The following CERK variants were observed in gnomAD, a reference collection of about 807,000 sequenced individuals.
CERK encodes ceramide kinase, also known as acylsphingosine kinase.
Under a neutral mutation model 63.4 loss-of-function variants are expected in CERK, and 39 were observed. That is an observed-to-expected ratio of 0.61 (90% CI 0.48 to 0.80). The LOEUF is 0.80. Among genes scored for constraint, CERK ranks in the 30% least tolerant of loss-of-function variants. The pLI is 0.00. For missense variants in CERK, 670 were observed against 714.1 expected (o/e 0.94, Z 0.70); for synonymous variants, 302 against 280.0 (o/e 1.08, Z -0.78).
chr22:46,709,381 G>A (rs2082829323), intron 5 of CERK, among the ~76,000 whole-genome samples: 2 of 152,216 alleles, frequency 1.3e-5, no homozygotes, highest in South Asian at 4.1e-4. Context: ...CTGCTGTCGG[G>A]TGGAGGTGGT....
intron 1 of CERK, among the ~76,000 whole-genome samples, chr22:46,728,507 G>A (rs570696515): frequency 4.6e-5 from 7 of 152,288 alleles, no homozygotes; most frequent in Non-Finnish European, 5.9e-5. Context: ...AACAAGGGGC[G>A]TCTCAGAGGG....
Position 46,699,476 on chromosome 22 carries a change from G to T in CERK, c.791-11C>A, listed in dbSNP as rs201223701. 1 of 1,613,680 alleles carries T rather than the reference G, an allele frequency of 6.2e-7. No individual in the cohort carries two copies. The highest frequency in any genetic ancestry group is 2.2e-5 in the East Asian group (1 of 44,878). On this transcript the variant is annotated splice_polypyrimidine_tract_variant and intron_variant, in intron 7 of 12. Transcript: ENST00000216264. ...TGGCCAGCGAGTCCCCTGTGGGAGA[G>T]AACGGCCGTGAGGGAAGGCAGCCCC...
intron 1 of CERK, among the ~76,000 whole-genome samples, chr22:46,730,540 T>G (rs911811280): frequency 6.6e-6 from 1 of 152,184 alleles, no homozygotes; most frequent in Non-Finnish European, 1.5e-5. Context: ...AGCAGCAGAA[T>G]GAATTAGATA....
In CERK at chr22:46,707,865, G is replaced by A. The variant is rs143322025; in HGVS notation, c.693C>T (p.Leu231=). The change falls in exon 6 of 13, where the codon CTC becomes CTT. Residue 231 remains leucine, a synonymous_variant. Coordinates refer to ENST00000216264, the MANE Select transcript of CERK (RefSeq NM_022766.6). ...TACCTGCGGGAATGATTCCAATCCG[G>A]AGGCTACTGGGGACCAGCACAGCCC... ...HPRAVLVPSS[L]RIGIIPAGST... is the part of the protein sequence containing the mutation. 3.6e-5 allele frequency: 58 copies of A among 1,612,096 alleles called. No homozygotes were observed. The highest frequency in any genetic ancestry group is 4.8e-5 in the Non-Finnish European group (56 of 1,178,902).
intron 2 of CERK, 45 bp downstream of exon 2, chr22:46,720,857 A>T (rs773237003): frequency 8.4e-7 from 1 of 1,194,552 alleles, no homozygotes; most frequent in South Asian, 1.2e-5. Flanking sequence ...TGTAATCTAC[A>T]TAGAATTAAT....
chr22:46,691,827 A>AGCGCCCTGCGCCGGGCT, intron 10 of CERK, 50 bp from the exon 11 acceptor site: 1 of 1,515,504 alleles, frequency 6.6e-7, no homozygotes, highest in African/African-American at 1.4e-5. Context: ...GGCGCCGGGC[A>AGCGCCCTGCGCCGGGCT]GCGCCCTGCA....
At chr22:46,715,786 T>C (rs983063366) in intron 3 of CERK, among the ~76,000 whole-genome samples, 9 of 152,226 alleles carry the variant, frequency 5.9e-5, no homozygotes, top group South Asian at 2.1e-4. Context: ...TAGATCCAAA[T>C]GTGAAGCGGA....
Position 46,691,619 on chromosome 22 carries a change from A to G in CERK, c.1285T>C (p.Phe429Leu). 1 of 1,613,928 alleles carries G rather than the reference A, an allele frequency of 6.2e-7. No homozygotes were observed. The change falls in exon 11 of 13, where the codon TTC (phenylalanine) becomes CTC (leucine). Residue 429 changes from phenylalanine (F) to leucine (L), a missense_variant. Phe to Leu is a conservative substitution (Grantham distance 22). Coordinates refer to ENST00000216264, the MANE Select transcript of CERK (RefSeq NM_022766.6). ...CTGATGAGAAATCTCAGAAAATTGAACCTGGAGCATTTCCGGATGAGGATG... is the reference window on the plus strand; with the variant it reads ...CTGATGAGAAATCTCAGAAAATTGAGCCTGGAGCATTTCCGGATGAGGATG... ...DLILIRKCSR[F>L]NFLRFLIRHT...
intron 1 of CERK, among the ~76,000 whole-genome samples, chr22:46,726,393 T>A (rs956210162): frequency 1.3e-5 from 2 of 152,014 alleles, no homozygotes; most frequent in African/African-American, 4.8e-5. Context: ...AAGTACAGTG[T>A]GGAAGTCTGT....
At chr22:46,698,955 T>A (rs1346570091) in intron 8 of CERK, among the ~76,000 whole-genome samples, 1 of 152,162 alleles carries the variant, frequency 6.6e-6, no homozygotes, top group Non-Finnish European at 1.5e-5. Context: ...AATTAATACT[T>A]CCACTTGAAC....
At position 46,701,647 on chromosome 22, in the gene CERK, T is replaced by C. The variant is rs114925414; in HGVS notation, c.779A>G (p.His260Arg). 139 of 1,558,068 alleles carry C rather than the reference T, an allele frequency of 8.9e-5. No individual in the cohort carries two copies. The African/African-American group carries it at 1.6e-3, about 18-fold the overall frequency. The change falls in exon 7 of 13, where the codon CAT becomes CGT. Residue 260 changes from histidine (H) to arginine (R), a missense_variant. By Grantham distance (29) the His-to-Arg change is conservative. Transcript: ENST00000216264. ...GAGGAGGGGCTCACCAACAACGATATGCAGCGCCGAGGTTTCTGCGTCGCT... is the reference window on the plus strand; with the variant it reads ...GAGGAGGGGCTCACCAACAACGATACGCAGCGCCGAGGTTTCTGCGTCGCT... Reference protein sequence around the residue: ...GTSDAETSALHIVVGDSLAMD... With the variant: ...GTSDAETSALRIVVGDSLAMD...
At chr22:46,701,451 C>T (rs557508879) in intron 7 of CERK, among the ~76,000 whole-genome samples, 185 bp downstream of exon 7, 3 of 152,260 alleles carry the variant, frequency 2.0e-5, no homozygotes, top group Non-Finnish European at 2.9e-5. Flanking sequence ...GTCCTGACAA[C>T]GTGGCCTCGG....
intron 3 of CERK, among the ~76,000 whole-genome samples, chr22:46,715,198 G>C (rs1260870891): frequency 6.6e-6 from 1 of 152,094 alleles, no homozygotes; most frequent in African/African-American, 2.4e-5. Context: ...CTGAGATCAG[G>C]ACTGAGACAA....
intron 1 of CERK, among the ~76,000 whole-genome samples, chr22:46,730,104 C>G (rs1302547261): frequency 2.0e-5 from 3 of 152,028 alleles, no homozygotes; most frequent in African/African-American, 7.2e-5. Context: ...CACTGAGACA[C>G]AGTTGAACAT....
rs1471760160 is a variant in CERK, at chr22:46,714,188, T to A, written c.380-1895A>T. On this transcript the variant is annotated intron_variant, in intron 3 of 12. Transcript: ENST00000216264. This position sits in a 1 kb window ranked among gnomAD's most constrained non-coding sequence, Gnocchi z 4.4. The stretch of plus-strand genomic sequence containing the variant: ...CAGGAGGCTGAGGCAGGAGAATCAC[T>A]TGAACCCAGGAAGTGGAGGTTGCAG... Among the ~76,000 whole-genome samples the A allele has an allele frequency of 6.6e-6, 1 of 152,196 alleles. No homozygotes were observed. Among genetic ancestry groups the A allele is most frequent in the Non-Finnish European group, 1.5e-5 (1 of 68,032 alleles).
chr22:46,719,903 G>A (rs572212527), intron 3 of CERK, among the ~76,000 whole-genome samples, 183 bp downstream of exon 3: 1 of 152,234 alleles, frequency 6.6e-6, no homozygotes, highest in Non-Finnish European at 1.5e-5. Flanking sequence ...AGGCTGTGGA[G>A]CCCATGCCCT....
chr22:46,729,971 G>A (rs5769120), intron 1 of CERK, among the ~76,000 whole-genome samples: 71,610 of 151,622 alleles, frequency 0.47, 19,251 homozygotes, highest in Non-Finnish European at 0.6. Flanking sequence ...CCTGGGAGGC[G>A]GAGCTTGCAG....
chr22:46,694,469 G>A (rs959337608), intron 9 of CERK, among the ~76,000 whole-genome samples: 1 of 152,156 alleles, frequency 6.6e-6, no homozygotes, highest in Non-Finnish European at 1.5e-5. Context: ...GGGACCAAAT[G>A]TAAGGGGAGA....
chr22:46,737,751 G>A (rs1296441987), intron 1 of CERK, among the ~76,000 whole-genome samples: 2 of 152,164 alleles, frequency 1.3e-5, no homozygotes, highest in Admixed American at 6.5e-5. Context: ...TCCCCGCGGG[G>A]ATGGGGCGCC....
Sources: gnomAD v4.1 joint callset for allele counts (sites outside exome capture counted in the v4.1 genomes callset) on GRCh38, gnomAD v4.1.1 for gene constraint, Gnocchi (gnomAD v3.1) non-coding constraint, MANE v1.5 for transcripts, NCBI Gene and HGNC (gene_info 2026-07-23, HGNC 2026-07-21) for gene names.